Variants in SLC35E2B observed in about 807,000 individuals in gnomAD.
SLC35E2B encodes the protein solute carrier family 35 member E2B.
A neutral mutation model predicts 32.4 loss-of-function variants in SLC35E2B; 18 were observed. The observed-to-expected ratio is 0.56, with a 90% CI of 0.38 to 0.82. SLC35E2B has a LOEUF of 0.82. Ranked by LOEUF, SLC35E2B falls within the 40% of genes least tolerant of loss-of-function variation. The probability of loss-of-function intolerance (pLI) is 0.00; values close to 1 mark genes in which losing one functional copy is unlikely to be tolerated. For missense variants in SLC35E2B, 263 were observed against 469.5 expected, an observed-to-expected ratio of 0.56 and a Z score of 4.06; for synonymous variants, 132 against 209.1, an observed-to-expected ratio of 0.63 and a Z score of 3.18.
At chr1:1,669,761 C>G (rs1240804112) in intron 7 of SLC35E2B, 25 bp from the exon 8 acceptor site, 8 of 1,547,612 alleles carry the variant, frequency 5.2e-6, no homozygotes, top group Non-Finnish European at 7.0e-6. Flanking sequence ...ACACGCTGGG[C>G]CCCCCGTGTC....
chr1:1,662,656 A>G lies in SLC35E2B; in HGVS notation c.*3126T>C, dbSNP rs1363122105. 1.4e-6 allele frequency: 1 copy of G among 707,258 alleles called. No homozygotes were observed. Among genetic ancestry groups the G allele is most frequent in the East Asian group, 1.2e-4 (1 of 8,118 alleles). The allele number at this position is 707,258 out of a possible 1,614,324, so 43.8% of individuals were successfully genotyped here. On this transcript the variant is annotated 3_prime_UTR_variant, in exon 10 of 10. Transcript: ENST00000617444. ...ATTATTTTAATGCTGTTATACAGGG[A>G]ATTGGGACTCTCGGATTTTCTTTTT...
At position 1,664,276 on chromosome 1, in the gene SLC35E2B, C is replaced by T. The variant is rs1482304073; in HGVS notation, c.*1506G>A. On this transcript the variant is annotated 3_prime_UTR_variant, in exon 10 of 10. Transcript: ENST00000617444. Reference sequence around the variant, plus strand: ...TTTGAGTAGGTAGAAGTTAATGAGTCAGAATTATTGCTCTGTTTCTGAATG... The same window carrying T: ...TTTGAGTAGGTAGAAGTTAATGAGTTAGAATTATTGCTCTGTTTCTGAATG... 4.7e-5 allele frequency: 41 copies of T among 876,966 alleles called. 4 individuals are homozygous for T. The highest frequency in any genetic ancestry group is 1.3e-4 in the Admixed American group (2 of 15,510). 54.3% of individuals were successfully genotyped at this position (876,966 alleles called of 1,614,324 possible). A position where few individuals can be genotyped will look rare whatever the true frequency, so the allele number is the denominator to read the frequency against.
intron 5 of SLC35E2B, chr1:1,672,527 GACA>G (rs1285135518): frequency 6.6e-6 from 1 of 152,234 alleles, no homozygotes; most frequent in Non-Finnish European, 1.5e-5. Context: ...TTGAATCACG[GACA>G]ACATTTATGA....
At chr1:1,684,010 A>C (rs561548904) in intron 2 of SLC35E2B, among the ~76,000 whole-genome samples, 6 of 152,178 alleles carry the variant, frequency 3.9e-5, no homozygotes, top group Non-Finnish European at 8.8e-5. Context: ...GCCCACACCT[A>C]GAACCCCAGT....
At chr1:1,670,900 G>C (rs775166764) in intron 6 of SLC35E2B, 3 of 152,218 alleles carry the variant, frequency 2.0e-5, no homozygotes, top group Non-Finnish European at 2.9e-5. Flanking sequence ...GCTGGAGTGT[G>C]GCCATTAACA....
At chr1:1,691,861 T>C (rs2101124817) in intron 1 of SLC35E2B, among the ~76,000 whole-genome samples, 1 of 94,262 alleles carries the variant, frequency 1.1e-5, no homozygotes, top group East Asian at 2.9e-4. Flanking sequence ...CTGTTATCGA[T>C]GTGGACGAAG....
intron 5 of SLC35E2B, chr1:1,672,150 G>A (rs747811864): frequency 1.4e-4 from 22 of 152,686 alleles, no homozygotes; most frequent in Non-Finnish European, 2.8e-4. Flanking sequence ...GATCACTTGA[G>A]CCCAGGGGTT....
chr1:1,665,646 C>T lies in SLC35E2B; in HGVS notation c.*136G>A, dbSNP rs1643522025. 7 of 1,368,912 alleles carry T rather than the reference C, an allele frequency of 5.1e-6. No individual in the cohort carries two copies. Among genetic ancestry groups the T allele is most frequent in the South Asian group, 1.5e-5 (1 of 66,950 alleles). 84.8% of individuals were successfully genotyped at this position (1,368,912 alleles called of 1,614,324 possible). ...GTTTCTGCTGGTCTTCACCGACAAACCGAGAAAGCCGCAGGCAATGGCCAA... is the reference window on the plus strand; with the variant it reads ...GTTTCTGCTGGTCTTCACCGACAAATCGAGAAAGCCGCAGGCAATGGCCAA... On this transcript the variant is annotated 3_prime_UTR_variant, in exon 10 of 10. Transcript: ENST00000617444.
At chr1:1,688,449 A>G (rs1245492607) in intron 2 of SLC35E2B, among the ~76,000 whole-genome samples, 1 of 151,592 alleles carries the variant, frequency 6.6e-6, no homozygotes, top group East Asian at 1.9e-4. Flanking sequence ...TACTACAAAA[A>G]ATTAGCCGGG....
chr1:1,681,285 C>T (rs937795010), intron 2 of SLC35E2B, among the ~76,000 whole-genome samples: 1 of 151,866 alleles, frequency 6.6e-6, no homozygotes, highest in African/African-American at 2.4e-5. Flanking sequence ...GCAAGCTCTG[C>T]CTCCTGGGTT....
chr1:1,675,628 G>A, intron 4 of SLC35E2B, 38 bp from the exon 5 acceptor site: 15 of 1,484,960 alleles, frequency 1.0e-5, no homozygotes, highest in Non-Finnish European at 1.3e-5. Flanking sequence ...CTTAGAACGA[G>A]TCTGTCTGCC....
chr1:1,692,597 G>T lies in SLC35E2B; in HGVS notation c.-714C>A. ...AGACAGCTCGGAGCTCGGCACTGGGGAGTGGCACAGCGCTGGCGGATCCAG... is the reference window on the plus strand; with the variant it reads ...AGACAGCTCGGAGCTCGGCACTGGGTAGTGGCACAGCGCTGGCGGATCCAG... On this transcript the variant is annotated 5_prime_UTR_variant, in exon 1 of 10. Coordinates refer to ENST00000617444, the MANE Select transcript of SLC35E2B (RefSeq NM_001290264.2). 1 of 984,618 alleles carries T rather than the reference G, an allele frequency of 1.0e-6. No individual in the cohort carries two copies. The highest frequency in any genetic ancestry group is 1.8e-5 in the African/African-American group (1 of 56,922). The allele number at this position is 984,618 out of a possible 1,614,324, so 61.0% of individuals were successfully genotyped here.
At chr1:1,669,597 C>T in intron 8 of SLC35E2B, 67 bp downstream of exon 8, 2 of 1,436,958 alleles carry the variant, frequency 1.4e-6, no homozygotes, top group Non-Finnish European at 1.9e-6. Flanking sequence ...GGAAGTCATT[C>T]TGCTCCTGAA....
intron 2 of SLC35E2B, among the ~76,000 whole-genome samples, chr1:1,685,823 A>G (rs769768263): frequency 1.1e-4 from 17 of 152,134 alleles, no homozygotes; most frequent in African/African-American, 1.7e-4. Flanking sequence ...CGAGTTCTAA[A>G]CATGCTTTTT....
At chr1:1,680,307 T>C (rs558057701) in intron 2 of SLC35E2B, among the ~76,000 whole-genome samples, 8 of 151,484 alleles carry the variant, frequency 5.3e-5, no homozygotes, top group Non-Finnish European at 1.0e-4. Flanking sequence ...ACTCTAAAAA[T>C]TAAAAAAAAG....
intron 2 of SLC35E2B, among the ~76,000 whole-genome samples, chr1:1,682,662 G>T (rs1451535765): frequency 6.6e-6 from 1 of 152,122 alleles, no homozygotes; most frequent in Non-Finnish European, 1.5e-5. Context: ...CGGGCCCCAG[G>T]GGAAAGCAAC....
chr1:1,668,510 T>G (rs775235667), intron 8 of SLC35E2B, 38 bp from the exon 9 acceptor site: 20 of 1,613,820 alleles, frequency 1.2e-5, no homozygotes, highest in Non-Finnish European at 2.5e-6. Context: ...TCGGTTTCCA[T>G]TTTCCATTTA....
At chr1:1,688,219 T>A (rs1394822488) in intron 2 of SLC35E2B, among the ~76,000 whole-genome samples, 1 of 152,056 alleles carries the variant, frequency 6.6e-6, no homozygotes, top group Non-Finnish European at 1.5e-5. Context: ...TCCATGATCA[T>A]CAGAGTGACA....
At chr1:1,687,734 CAAAA>C (rs74867904) in intron 2 of SLC35E2B, among the ~76,000 whole-genome samples, 3 of 126,728 alleles carry the variant, frequency 2.4e-5, no homozygotes, top group Non-Finnish European at 3.4e-5. Context: ...GACTCCATCT[CAAAA>C]AAAAAAAAAA....
Sources: gnomAD v4.1 joint callset for allele counts (sites outside exome capture counted in the v4.1 genomes callset) on GRCh38, gnomAD v4.1.1 for gene constraint, MANE v1.5 for transcripts, NCBI Gene and HGNC (gene_info 2026-07-23, HGNC 2026-07-21) for gene names.